Variants in HDAC4 observed in about 807,000 individuals in gnomAD.
The protein encoded by HDAC4 is histone deacetylase 4, also known as histone deacetylase A.
In HDAC4, 16 loss-of-function variants were observed where a neutral mutation model predicts 135.1. The observed-to-expected ratio is 0.12, with a 90% CI of 0.08 to 0.18. HDAC4 has a LOEUF of 0.18. HDAC4 is among the 10% of genes least tolerant of loss of function. The pLI is 1.00. For synonymous variants in HDAC4, 685 were observed against 653.4 expected (o/e 1.05, Z -0.74); for missense variants, 1,143 against 1,511.8 (o/e 0.76, Z 4.05).
At chr2:239,224,713 C>T (rs2047146809) in intron 3 of HDAC4, among the ~76,000 whole-genome samples, 1 of 152,146 alleles carries the variant, frequency 6.6e-6, no homozygotes, top group South Asian at 2.1e-4. Context: ...ATTCCATATG[C>T]CAAGGGCAGG....
chr2:239,073,360 C>T (rs1358085484), intron 22 of HDAC4, among the ~76,000 whole-genome samples: 1 of 152,246 alleles, frequency 6.6e-6, no homozygotes, highest in Non-Finnish European at 1.5e-5. Context: ...TGAATCTAGA[C>T]AGGGGCAGCG....
At chr2:239,065,204 C>T (rs1320215753) in intron 24 of HDAC4, among the ~76,000 whole-genome samples, 3 of 152,180 alleles carry the variant, frequency 2.0e-5, no homozygotes, top group Non-Finnish European at 4.4e-5. Flanking sequence ...GCCAGAGCGC[C>T]TGTCAGTAAG....
At chr2:239,335,508 C>CAAAA (rs61007856) in intron 2 of HDAC4, among the ~76,000 whole-genome samples, 100 of 59,168 alleles carry the variant, frequency 1.7e-3, no homozygotes, top group East Asian at 2.7e-3. Flanking sequence ...ATCTGTTCAG[C>CAAAA]AAAAAAAAAA....
At chr2:239,160,829 A>G (rs922972524) in intron 6 of HDAC4, among the ~76,000 whole-genome samples, 1 of 152,240 alleles carries the variant, frequency 6.6e-6, no homozygotes, top group African/African-American at 2.4e-5. Flanking sequence ...AATACGGAGA[A>G]GCATTGCTGG....
At position 239,400,379 on chromosome 2, in the gene HDAC4, G is replaced by C. The variant is rs902256006; in HGVS notation, c.-220+599C>G. On this transcript the variant is annotated intron_variant, in intron 1 of 26. Coordinates refer to ENST00000543185, the MANE Select transcript of HDAC4 (RefSeq NM_001378414.1). This position sits in a 1 kb window ranked among gnomAD's most constrained non-coding sequence, Gnocchi z 4.7. ...ACTCCCGGCGGCCCGGAGCCCACCT[G>C]CTCGGGGGGCGCGGGCCCCGCACCG... The C allele has an allele frequency of 6.8e-6, 1 of 147,636 alleles. No individual in the cohort carries two copies. Among genetic ancestry groups the C allele is most frequent in the African/African-American group, 2.4e-5 (1 of 40,940 alleles). 9.1% of individuals were successfully genotyped at this position (147,636 alleles called of 1,614,324 possible). A position where few individuals can be genotyped will look rare whatever the true frequency, so the allele number is the denominator to read the frequency against.
chr2:239,211,219 G>A (rs2046341107), intron 3 of HDAC4, among the ~76,000 whole-genome samples: 2 of 152,198 alleles, frequency 1.3e-5, no homozygotes, highest in Non-Finnish European at 2.9e-5. Flanking sequence ...ATGTCTGACA[G>A]AAGAAAATAT....
At chr2:239,112,886 C>T (rs1205942422) in intron 13 of HDAC4, among the ~76,000 whole-genome samples, 2 of 152,212 alleles carry the variant, frequency 1.3e-5, no homozygotes, top group African/African-American at 2.4e-5. Flanking sequence ...GCTGCCAGCA[C>T]TGGGGGAAAC....
At chr2:239,368,416 A>G (rs573998437) in intron 1 of HDAC4, among the ~76,000 whole-genome samples, 1 of 152,254 alleles carries the variant, frequency 6.6e-6, no homozygotes, top group Non-Finnish European at 1.5e-5. Context: ...GCGCTGCTGC[A>G]TTTCACCTTT....
chr2:239,309,794 T>C lies in HDAC4; in HGVS notation c.22+42884A>G, dbSNP rs910324940. On this transcript the variant is annotated intron_variant, in intron 2 of 26. Transcript: ENST00000543185. The surrounding 1 kb of genome is among the most constrained non-coding windows in gnomAD (Gnocchi z 4.2). ...CTGGGGAAGCTGTGAGGACTGGTGT[T>C]GATAAAACATTCCAACCACACACTC... is the stretch of plus-strand genomic sequence containing the variant. Among the ~76,000 whole-genome samples, 6 of 152,288 alleles carry C rather than the reference T, an allele frequency of 3.9e-5. No individual in the cohort carries two copies. In the East Asian group the frequency reaches 1.2e-3, roughly 29 times the overall value.
At chr2:239,208,653 C>T (rs990890652) in intron 3 of HDAC4, among the ~76,000 whole-genome samples, 5 of 152,014 alleles carry the variant, frequency 3.3e-5, no homozygotes, top group Admixed American at 1.3e-4. Flanking sequence ...TGAGCTCCTC[C>T]CACCCCCACC....
At chr2:239,077,277 T>C (rs2034857168) in intron 22 of HDAC4, among the ~76,000 whole-genome samples, 1 of 152,242 alleles carries the variant, frequency 6.6e-6, no homozygotes, top group Non-Finnish European at 1.5e-5. Context: ...CTCTGTTCCT[T>C]CGGGACGGCC....
rs1162137832 is a variant in HDAC4, at chr2:239,347,285, G to C, written c.22+5393C>G. Among the ~76,000 whole-genome samples the C allele has an allele frequency of 2.0e-5, 3 of 152,178 alleles. No individual in the cohort carries two copies. In the East Asian group the frequency reaches 5.8e-4, roughly 29 times the overall value. ...AAGTTAGAGCAGAACATGAGGACTG[G>C]AAGCAATCCCAGAGGAGAGCCTTCT... On this transcript the variant is annotated intron_variant, in intron 2 of 26. Transcript: ENST00000543185.
At chr2:239,268,954 G>C (rs1010442192) in intron 2 of HDAC4, among the ~76,000 whole-genome samples, 4 of 152,126 alleles carry the variant, frequency 2.6e-5, no homozygotes, top group Non-Finnish European at 5.9e-5. Flanking sequence ...AAGACTAATC[G>C]CACTGGCAAG....
chr2:239,114,919 A>G, intron 13 of HDAC4, 134 bp downstream of exon 13: 1 of 1,075,558 alleles, frequency 9.3e-7, no homozygotes, highest in Non-Finnish European at 1.3e-6. Context: ...GGCCAGGACA[A>G]GACAGGTGAG....
chr2:239,270,340 G>A (rs1174014754), intron 2 of HDAC4, among the ~76,000 whole-genome samples: 1 of 152,212 alleles, frequency 6.6e-6, no homozygotes, highest in African/African-American at 2.4e-5. Flanking sequence ...TCAATGGGAT[G>A]CTCATTAGCT....
chr2:239,107,956 T>C (rs2038305645), intron 15 of HDAC4, 94 bp downstream of exon 15: 1 of 1,525,308 alleles, frequency 6.6e-7, no homozygotes, highest in South Asian at 1.1e-5. Context: ...AAGAACCACC[T>C]GCAAAACCAA....
At chr2:239,363,366 C>T (rs528947700) in intron 1 of HDAC4, among the ~76,000 whole-genome samples, 1 of 152,330 alleles carries the variant, frequency 6.6e-6, no homozygotes, top group East Asian at 1.9e-4. Context: ...GGGGGACTCA[C>T]ACTACCAAAT....
intron 2 of HDAC4, among the ~76,000 whole-genome samples, chr2:239,347,671 C>G (rs909639494): frequency 6.6e-6 from 1 of 152,090 alleles, no homozygotes. Flanking sequence ...CGTGCCACCA[C>G]GCCTGGCTAA....
At chr2:239,204,188 G>A (rs922564119) in intron 3 of HDAC4, among the ~76,000 whole-genome samples, 6 of 152,280 alleles carry the variant, frequency 3.9e-5, no homozygotes, top group Middle Eastern at 3.4e-3. Flanking sequence ...TCCTCTCTGC[G>A]CAGGGCATCC....
Sources: gnomAD v4.1 joint callset for allele counts (sites outside exome capture counted in the v4.1 genomes callset) on GRCh38, gnomAD v4.1.1 for gene constraint, Gnocchi (gnomAD v3.1) non-coding constraint, MANE v1.5 for transcripts, NCBI Gene and HGNC (gene_info 2026-07-23, HGNC 2026-07-21) for gene names.